The following NEGR1 variants were observed in gnomAD, a reference collection of about 807,000 sequenced individuals.
The protein encoded by NEGR1 is neuronal growth regulator 1, also known as IgLON family member 4.
In NEGR1, 10 loss-of-function variants were observed where a neutral mutation model predicts 40.9. The observed-to-expected ratio is 0.24, with a 90% CI of 0.15 to 0.42. The LOEUF (loss-of-function observed/expected upper bound fraction) is 0.42, where lower values mean the gene tolerates loss of function less well. NEGR1 is among the 10% of genes least tolerant of loss of function. The pLI, the probability that NEGR1 is intolerant of heterozygous loss-of-function variation, is 1.00. For synonymous variants in NEGR1, 185 were observed against 166.8 expected (o/e 1.11, Z -0.84); for missense variants, 352 against 438.9 (o/e 0.80, Z 1.77).
At chr1:72,186,363 A>G (rs1229342096) in intron 1 of NEGR1, among the ~76,000 whole-genome samples, 1 of 151,612 alleles carries the variant, frequency 6.6e-6, no homozygotes, top group African/African-American at 2.4e-5. Flanking sequence ...TTCCCTACTC[A>G]ATCTAAGTGG....
At chr1:71,606,015 T>C (rs1650064213) in intron 5 of NEGR1, among the ~76,000 whole-genome samples, 1 of 152,226 alleles carries the variant, frequency 6.6e-6, no homozygotes, top group Non-Finnish European at 1.5e-5. Flanking sequence ...CACCTCTTGA[T>C]ATTCATGTCC....
intron 1 of NEGR1, among the ~76,000 whole-genome samples, chr1:72,006,823 T>C (rs1378663093): frequency 6.6e-6 from 1 of 152,166 alleles, no homozygotes; most frequent in East Asian, 1.9e-4. Context: ...CAAGTCCCTT[T>C]GACCCAGAGC....
At chr1:71,888,079 C>T (rs1184463241) in intron 2 of NEGR1, among the ~76,000 whole-genome samples, 15 of 151,774 alleles carry the variant, frequency 9.9e-5, no homozygotes, top group South Asian at 4.2e-4. Context: ...TGTGTCTGAA[C>T]GGCTCCATAA....
intron 3 of NEGR1, among the ~76,000 whole-genome samples, chr1:71,702,186 G>A (rs2101633032): frequency 6.6e-6 from 1 of 152,076 alleles, no homozygotes; most frequent in East Asian, 1.9e-4. Context: ...TTTTCTTCCT[G>A]CCTTCTTACC....
chr1:71,498,624 G>T (rs923660616), intron 6 of NEGR1, among the ~76,000 whole-genome samples: 2 of 152,078 alleles, frequency 1.3e-5, no homozygotes, highest in Admixed American at 1.3e-4. Context: ...AAAATTATGG[G>T]AATGTAACTC....
chr1:72,282,174 C>G (rs1442261596), intron 1 of NEGR1, 145 bp downstream of exon 1: 1 of 993,862 alleles, frequency 1.0e-6, no homozygotes, highest in Non-Finnish European at 1.5e-6. Flanking sequence ...CGGGAAGAAT[C>G]TGCACCTGGA....
intron 1 of NEGR1, among the ~76,000 whole-genome samples, chr1:72,220,914 G>GTTTTT (rs3082236): frequency 5.0e-5 from 7 of 140,794 alleles, no homozygotes; most frequent in African/African-American, 5.1e-5. Flanking sequence ...CCTACCTAAA[G>GTTTTT]TTTTTTTTTT....
Position 71,714,054 on chromosome 1 carries a change from T to TA in NEGR1, c.536-15916dup, listed in dbSNP as rs577256517. 1.8e-3 allele frequency among the ~76,000 whole-genome samples: 279 copies of TA among 152,174 alleles called. 2 individuals are homozygous for TA. Among genetic ancestry groups the TA allele is most frequent in the African/African-American group, 6.6e-3 (272 of 41,516 alleles). On this transcript the variant is annotated intron_variant, in intron 3 of 6. Transcript: ENST00000357731. ...AAAATACCAGAGACTGGGTAATTTA[T>TA]AAAGGAAAGAGGTTTAATTGACTCA...
intron 1 of NEGR1, among the ~76,000 whole-genome samples, chr1:72,110,540 C>T (rs115053802): frequency 6.6e-6 from 1 of 151,474 alleles, no homozygotes; most frequent in African/African-American, 2.4e-5. Context: ...CACTTTTCAA[C>T]GCTGAATTAT....
chr1:71,697,360 CT>C (rs1165854595), intron 4 of NEGR1, among the ~76,000 whole-genome samples: 1 of 151,700 alleles, frequency 6.6e-6, no homozygotes, highest in African/African-American at 2.4e-5. Context: ...GTAGTCATTG[CT>C]GTTGAAATCA....
chr1:71,598,274 C>T (rs922549185), intron 5 of NEGR1, among the ~76,000 whole-genome samples: 4 of 152,054 alleles, frequency 2.6e-5, no homozygotes, highest in South Asian at 2.1e-4. Context: ...TCAAGAAAAT[C>T]GAGTCAAGCC....
intron 1 of NEGR1, among the ~76,000 whole-genome samples, chr1:71,986,602 T>C (rs1007262343): frequency 6.6e-6 from 1 of 152,110 alleles, no homozygotes; most frequent in African/African-American, 2.4e-5. Context: ...ATGCAGAGGG[T>C]CCCCATGATG....
intron 6 of NEGR1, among the ~76,000 whole-genome samples, chr1:71,481,047 T>G (rs1646850869): frequency 6.6e-6 from 1 of 151,970 alleles, no homozygotes; most frequent in Non-Finnish European, 1.5e-5. Flanking sequence ...TTTTTATAAA[T>G]GTTTTGCATG....
At chr1:71,967,917 C>G (rs1228255547) in intron 1 of NEGR1, among the ~76,000 whole-genome samples, 3 of 152,136 alleles carry the variant, frequency 2.0e-5, no homozygotes, top group African/African-American at 7.2e-5. Flanking sequence ...CTCTTTTACT[C>G]AAAGATTCTG....
At chr1:72,077,637 TAA>T (rs1647801323) in intron 1 of NEGR1, among the ~76,000 whole-genome samples, 1 of 149,866 alleles carries the variant, frequency 6.7e-6, no homozygotes, top group Non-Finnish European at 1.5e-5. Flanking sequence ...AATAAATAAA[TAA>T]ATAAATAAAT....
At chr1:71,826,476 C>A (rs1289329327) in intron 2 of NEGR1, among the ~76,000 whole-genome samples, 1 of 151,894 alleles carries the variant, frequency 6.6e-6, no homozygotes, top group Admixed American at 6.6e-5. Flanking sequence ...TTACAATCAG[C>A]TGCTGCTTCC....
intron 2 of NEGR1, among the ~76,000 whole-genome samples, chr1:71,860,965 G>C (rs1426517830): frequency 6.6e-6 from 1 of 151,904 alleles, no homozygotes; most frequent in Non-Finnish European, 1.5e-5. Context: ...AGTGAGAAGA[G>C]GCCATTGAGA....
At chr1:71,612,523 A>G (rs1339199547) in intron 4 of NEGR1, among the ~76,000 whole-genome samples, 2 of 151,456 alleles carry the variant, frequency 1.3e-5, no homozygotes, top group Non-Finnish European at 2.9e-5. Context: ...TAGATGGGGT[A>G]ACAAATGGGG....
chr1:71,791,392 A>T (rs1330439473), intron 2 of NEGR1, among the ~76,000 whole-genome samples: 2 of 151,998 alleles, frequency 1.3e-5, no homozygotes, highest in Admixed American at 6.6e-5. Flanking sequence ...GCTACTGCAT[A>T]TCTCTCCTCA....
Sources: gnomAD v4.1 joint callset for allele counts (sites outside exome capture counted in the v4.1 genomes callset) on GRCh38, gnomAD v4.1.1 for gene constraint, MANE v1.5 for transcripts, NCBI Gene and HGNC (gene_info 2026-07-23, HGNC 2026-07-21) for gene names.